Variants in SNW1 observed in about 807,000 individuals in gnomAD.
The protein encoded by SNW1 is SNW domain containing 1, also known as SNW domain-containing protein 1.
In SNW1, 9 loss-of-function variants were observed where a neutral mutation model predicts 75.6. The observed-to-expected ratio is 0.12, with a 90% CI of 0.07 to 0.21. The LOEUF (loss-of-function observed/expected upper bound fraction) is 0.21. Ranked by LOEUF, SNW1 falls within the 10% of genes least tolerant of loss-of-function variation. The pLI is 1.00. For missense variants in SNW1, 409 were observed against 670.9 expected, an observed-to-expected ratio of 0.61 and a Z score of 4.31; for synonymous variants, 200 against 219.1, an observed-to-expected ratio of 0.91 and a Z score of 0.77.
rs1344421399 is a variant in SNW1 at position 77,744,468 on chromosome 14, AAAAGT to A, written c.331-5412_331-5408del. Among the ~76,000 whole-genome samples the A allele has an allele frequency of 9.3e-4, 132 of 142,196 alleles. 1 individual carries two copies. Among genetic ancestry groups the A allele is most frequent in the Non-Finnish European group, 1.3e-3 (87 of 65,244 alleles). 93.3% of individuals were successfully genotyped at this position (142,196 alleles called of 152,430 possible). On this transcript the variant is annotated intron_variant, in intron 3 of 13. Coordinates refer to ENST00000261531, the MANE Select transcript of SNW1 (RefSeq NM_012245.3). ...TCTCAAAAAAAAAAAAAAAAAAAAG[AAAAGT>A]AAAGAAAAGAAAAGAAAAAAAAGAG...
At chr14:77,748,181 T>C (rs903253719) in intron 3 of SNW1, among the ~76,000 whole-genome samples, 5 of 152,216 alleles carry the variant, frequency 3.3e-5, no homozygotes, top group South Asian at 2.1e-4. Flanking sequence ...CGGTGCAAGA[T>C]GTGCTTTGTT....
chr14:77,735,869 AG>A (rs1183440815), intron 7 of SNW1, 67 bp downstream of exon 7: 1 of 1,174,950 alleles, frequency 8.5e-7, no homozygotes, highest in African/African-American at 1.5e-5. Flanking sequence ...GTATAGGCAT[AG>A]GGAGGTTATC....
intron 12 of SNW1, among the ~76,000 whole-genome samples, 180 bp from the exon 13 acceptor site, chr14:77,718,710 A>ATT: frequency 6.7e-6 from 1 of 149,900 alleles, no homozygotes; most frequent in African/African-American, 2.5e-5. Flanking sequence ...ACAACTTTGG[A>ATT]TTCTTTTTTT....
At chr14:77,735,755 A>G (rs1355773412) in intron 7 of SNW1, among the ~76,000 whole-genome samples, 182 bp downstream of exon 7, 6 of 152,232 alleles carry the variant, frequency 3.9e-5, no homozygotes, top group African/African-American at 1.4e-4. Context: ...TACTAATAAC[A>G]AAACTTACAG....
chr14:77,741,081 G>A (rs1405757661), intron 3 of SNW1, among the ~76,000 whole-genome samples: 3 of 105,440 alleles, frequency 2.8e-5, no homozygotes, highest in Non-Finnish European at 5.2e-5. Context: ...TGAGCAACAA[G>A]AGTGAAACTG....
intron 10 of SNW1, among the ~76,000 whole-genome samples, chr14:77,730,398 A>G (rs771706780): frequency 1.6e-4 from 25 of 152,364 alleles, no homozygotes; most frequent in Non-Finnish European, 3.2e-4. Flanking sequence ...CAGATGCTCA[A>G]TATGAACTAA....
chr14:77,750,011 A>G (rs538652367), intron 3 of SNW1, among the ~76,000 whole-genome samples: 1 of 152,124 alleles, frequency 6.6e-6, no homozygotes, highest in Non-Finnish European at 1.5e-5. Context: ...GACCAGCTTG[A>G]GTAACATAGG....
chr14:77,718,156 T>C lies in SNW1; in HGVS notation c.1543A>G (p.Lys515Glu), dbSNP rs1192675030. 6.2e-7 allele frequency: 1 copy of C among 1,613,280 alleles called. No homozygotes were observed. Among genetic ancestry groups the C allele is most frequent in the South Asian group, 1.1e-5 (1 of 91,012 alleles). The part of the protein sequence containing the change: ...LEEAKQHGGS[K>E]RPSDSSRPKE... ...GGGCGGCTGCTATCTGAGGGTCTTT[T>C]AGAGCCACCATGCTGTTTGGCTTCT... is the stretch of plus-strand genomic sequence containing the variant. Residue 515 changes from lysine (K) to glutamate (E), a missense_variant, in exon 14 of 14, where the codon AAA becomes GAA. Physicochemically the swap from Lys to Glu is moderately conservative, Grantham distance 56 (BLOSUM62 1). Transcript: ENST00000261531.
At chr14:77,731,442 T>C (rs563394553) in intron 9 of SNW1, among the ~76,000 whole-genome samples, 1 of 152,292 alleles carries the variant, frequency 6.6e-6, no homozygotes, top group Admixed American at 6.5e-5. Context: ...GCATAGTGGC[T>C]CTCTCCTGCA....
chr14:77,732,571 C>G lies in SNW1; in HGVS notation c.805G>C (p.Ala269Pro). 1 of 1,612,390 alleles carries G rather than the reference C, an allele frequency of 6.2e-7. No individual in the cohort carries two copies. Among genetic ancestry groups the G allele is most frequent in the Non-Finnish European group, 8.5e-7 (1 of 1,178,842 alleles). The change falls in exon 9 of 14, where the codon GCT (alanine) becomes CCT (proline). Residue 269 changes from alanine to proline, a missense_variant. Physicochemically the swap from Ala to Pro is conservative, Grantham distance 27. Coordinates refer to ENST00000261531, the MANE Select transcript of SNW1 (RefSeq NM_012245.3). Reference sequence around the variant, plus strand: ...GTCTGTAGTCCTCTTCCATCAGCAGCCAGACGTTTGTCTAATGGAATTGTA... The same window carrying G: ...GTCTGTAGTCCTCTTCCATCAGCAGGCAGACGTTTGTCTAATGGAATTGTA... ...GYTIPLDKRLAADGRGLQTVH... is the reference protein window; with the variant it reads ...GYTIPLDKRLPADGRGLQTVH...
chr14:77,737,175 C>T, intron 5 of SNW1, 100 bp from the exon 6 acceptor site: 2 of 819,394 alleles, frequency 2.4e-6, no homozygotes, highest in Non-Finnish European at 4.1e-6. Flanking sequence ...TTTTCAATTC[C>T]TTTCGCAAAG....
chr14:77,721,833 C>T (rs184944184), intron 11 of SNW1, among the ~76,000 whole-genome samples: 1 of 152,124 alleles, frequency 6.6e-6, no homozygotes, highest in Non-Finnish European at 1.5e-5. Flanking sequence ...CTGAAACCTC[C>T]GCCTCCAGGG....
At chr14:77,735,879 T>G in intron 7 of SNW1, 58 bp downstream of exon 7, 1 of 1,316,280 alleles carries the variant, frequency 7.6e-7, no homozygotes, top group East Asian at 2.3e-5. Flanking sequence ...AGGGAGGTTA[T>G]CTATAAAATT....
chr14:77,748,518 A>T (rs1003661200), intron 3 of SNW1, among the ~76,000 whole-genome samples: 6 of 152,146 alleles, frequency 3.9e-5, no homozygotes, highest in African/African-American at 1.4e-4. Context: ...AGTAGGAGAA[A>T]AGCGGGCAGG....
At chr14:77,747,950 G>A (rs964637925) in intron 3 of SNW1, among the ~76,000 whole-genome samples, 8 of 152,204 alleles carry the variant, frequency 5.3e-5, no homozygotes, top group Non-Finnish European at 1.2e-4. Context: ...TGATGACGAT[G>A]GCGGTTTTGT....
intron 1 of SNW1, 137 bp downstream of exon 1, chr14:77,760,977 G>C: frequency 1.9e-6 from 3 of 1,598,948 alleles, no homozygotes; most frequent in South Asian, 1.1e-5. Context: ...CGGCCAGCGG[G>C]AGGGCGTAGC....
At chr14:77,730,634 A>G (rs1477393343) in intron 10 of SNW1, among the ~76,000 whole-genome samples, 1 of 152,202 alleles carries the variant, frequency 6.6e-6, no homozygotes. Context: ...GGATTACTTC[A>G]CCATATGAGG....
rs188220684 is a variant in SNW1 at position 77,757,200 on chromosome 14, C to G, written c.15-2080G>C. 1.4e-3 allele frequency among the ~76,000 whole-genome samples: 211 copies of G among 151,062 alleles called. 1 individual carries two copies. Among genetic ancestry groups the G allele is most frequent in the Non-Finnish European group, 2.5e-3 (172 of 67,822 alleles). On this transcript the variant is annotated intron_variant, in intron 1 of 13. Transcript: ENST00000261531. Reference sequence around the variant, plus strand: ...GCATGAGACTATAAATGGAGAAAGACAGCTTAGTCTTGCAGACAGAGACCA... The same window carrying G: ...GCATGAGACTATAAATGGAGAAAGAGAGCTTAGTCTTGCAGACAGAGACCA...
intron 8 of SNW1, 127 bp downstream of exon 8, chr14:77,734,820 C>T: frequency 1.5e-6 from 1 of 669,680 alleles, no homozygotes; most frequent in Middle Eastern, 3.3e-4. Context: ...CCAAATTGGG[C>T]ATTCCTTTTT....
Sources: gnomAD v4.1 joint callset for allele counts (sites outside exome capture counted in the v4.1 genomes callset) on GRCh38, gnomAD v4.1.1 for gene constraint, MANE v1.5 for transcripts, NCBI Gene and HGNC (gene_info 2026-07-23, HGNC 2026-07-21) for gene names.